Variants in TRIM14 observed in about 807,000 individuals in gnomAD.
TRIM14 encodes tripartite motif-containing protein 14.
A neutral mutation model predicts 44.5 loss-of-function variants in TRIM14; 28 were observed. The ratio of observed to expected loss-of-function variants is 0.63; its 90% confidence interval spans 0.47 to 0.86. TRIM14 has a LOEUF of 0.86. TRIM14 is among the 40% of genes least tolerant of loss of function. The pLI is 0.00. For missense variants in TRIM14, 607 were observed against 611.1 expected (o/e 0.99, Z 0.07); for synonymous variants, 299 against 269.2 (o/e 1.11, Z -1.08).
chr9:98,109,979 G>A lies in TRIM14; in HGVS notation c.213C>T (p.Leu71=), dbSNP rs777003054. Residue 71 remains leucine (L), a synonymous_variant, in exon 2 of 6, where the codon CTC becomes CTT. Coordinates refer to ENST00000341469, the MANE Select transcript of TRIM14 (RefSeq NM_014788.4). ...CCAGCTGCTTTAAACATTCTTGGCT[G>A]AGTTTCTGTACAGGAGGGAGTTAGG... ...ALEAAVHVQK[L]SQECLKQLAI... The A allele has an allele frequency of 1.2e-6, 2 of 1,613,826 alleles. No individual in the cohort carries two copies. Among genetic ancestry groups the A allele is most frequent in the Non-Finnish European group, 8.5e-7 (1 of 1,179,836 alleles).
Position 98,110,431 on chromosome 9 carries a change from C to T in TRIM14, c.208-447G>A, listed in dbSNP as rs148612001. 8.8e-3 allele frequency among the ~76,000 whole-genome samples: 1,347 copies of T among 152,266 alleles called. 18 individuals carry two copies. Among genetic ancestry groups the T allele is most frequent in the African/African-American group, 0.031 (1,280 of 41,540 alleles). ...TCTGTGACCCTCTGGCCCTGGACTA[C>T]GTGAGAGGTCAGTGGGGTTCATGCT... On this transcript the variant is annotated intron_variant, in intron 1 of 5. Coordinates refer to ENST00000341469, the MANE Select transcript of TRIM14 (RefSeq NM_014788.4).
At chr9:98,089,934 C>T (rs899740377) in intron 5 of TRIM14, among the ~76,000 whole-genome samples, 7 of 152,146 alleles carry the variant, frequency 4.6e-5, no homozygotes, top group Non-Finnish European at 8.8e-5. Flanking sequence ...TACCAGACCT[C>T]GCTCTTGTTA....
At chr9:98,088,850 T>C (rs1825895298) in intron 5 of TRIM14, among the ~76,000 whole-genome samples, 1 of 152,238 alleles carries the variant, frequency 6.6e-6, no homozygotes, top group Admixed American at 6.5e-5. Flanking sequence ...CCAAAGTTTG[T>C]AGTGATTTAA....
At chr9:98,103,954 C>A (rs1826503455) in intron 2 of TRIM14, among the ~76,000 whole-genome samples, 2 of 152,106 alleles carry the variant, frequency 1.3e-5, no homozygotes, top group South Asian at 4.1e-4. Flanking sequence ...GGTGGGCAGG[C>A]TCCCGTGATA....
At chr9:98,077,001 A>G in intron 6 of TRIM14, 5 of 1,608,326 alleles carry the variant, frequency 3.1e-6, no homozygotes, top group Non-Finnish European at 4.2e-6. Flanking sequence ...CTTATCTGGA[A>G]AAGACAGCCA....
At position 98,088,100 on chromosome 9, in the gene TRIM14, T is replaced by C. The variant is rs1209839254; in HGVS notation, c.794-95A>G. 6.1e-6 allele frequency: 8 copies of C among 1,313,570 alleles called. No homozygotes were observed. The East Asian group carries it at 1.9e-4, about 31-fold the overall frequency. The allele number at this position is 1,313,570 out of a possible 1,614,324, so 81.4% of individuals were successfully genotyped here. ...ACCAACGCACGTGCAAATCACAAAA[T>C]GCGAAGCGCGGAAATGGCCCAAGGA... On this transcript the variant is annotated intron_variant, in intron 5 of 5. Coordinates refer to ENST00000341469, the MANE Select transcript of TRIM14 (RefSeq NM_014788.4).
intron 6 of TRIM14, chr9:98,076,987 T>C: frequency 6.2e-7 from 1 of 1,610,958 alleles, no homozygotes; most frequent in Non-Finnish European, 8.5e-7. Context: ...CACTAATAAT[T>C]TTCCTTATCT....
At chr9:98,110,093 C>A (rs1826788445) in intron 1 of TRIM14, 109 bp from the exon 2 acceptor site, 1 of 822,648 alleles carries the variant, frequency 1.2e-6, no homozygotes, top group African/African-American at 1.7e-5. Context: ...CCAATGGAGG[C>A]ATCTGAAGGT....
At chr9:98,107,517 G>T (rs952953651) in intron 2 of TRIM14, among the ~76,000 whole-genome samples, 3 of 152,194 alleles carry the variant, frequency 2.0e-5, no homozygotes, top group Non-Finnish European at 4.4e-5. Context: ...GATCCCAAGG[G>T]CATTCTGCTG....
chr9:98,080,670 G>A (rs1200215103), downstream of TRIM14: 2 of 791,348 alleles, frequency 2.5e-6, no homozygotes, highest in East Asian at 2.7e-5. Flanking sequence ...CCCTAGGAAA[G>A]AGAGGCTCAG....
intron 5 of TRIM14, among the ~76,000 whole-genome samples, chr9:98,089,942 T>C (rs150006079): frequency 1.1e-3 from 163 of 152,360 alleles, no homozygotes; most frequent in African/African-American, 3.7e-3. Context: ...CTCGCTCTTG[T>C]TAATTGAACT....
At chr9:98,041,929 C>T in the TRIM14 span, among the ~76,000 whole-genome samples, 1 of 151,598 alleles carries the variant, frequency 6.6e-6, no homozygotes, top group Non-Finnish European at 1.5e-5. Flanking sequence ...GTGATCTGCC[C>T]GCCTTGGCCT....
chr9:98,093,371 G>C (rs1826068916), intron 4 of TRIM14, among the ~76,000 whole-genome samples: 1 of 152,160 alleles, frequency 6.6e-6, no homozygotes, highest in African/African-American at 2.4e-5. Flanking sequence ...TGCTTAATAT[G>C]CCTGAGCGCT....
rs12684754 is a variant in TRIM14, at chr9:98,096,447, C to T, written c.538-1418G>A. ...AGATGAGTAGGGTAGGATGAGGGGT[C>T]GATAGAGGACACATGGCACCACCTG... On this transcript the variant is annotated intron_variant, in intron 3 of 5. Coordinates refer to ENST00000341469, the MANE Select transcript of TRIM14 (RefSeq NM_014788.4). 2.0e-5 allele frequency among the ~76,000 whole-genome samples: 3 copies of T among 152,112 alleles called. No homozygotes were observed. In the East Asian group the frequency reaches 5.8e-4, roughly 29 times the overall value.
At chr9:98,070,846 C>T (rs1006337990) in intron 6 of TRIM14, among the ~76,000 whole-genome samples, 2 of 151,340 alleles carry the variant, frequency 1.3e-5, no homozygotes, top group Non-Finnish European at 2.9e-5. Flanking sequence ...ACTCTGTTGC[C>T]CAGGCTGGAG....
chr9:98,092,007 A>G lies in TRIM14; in HGVS notation c.701-6T>C. ...TGAGAGCTGGCAGTTTATGCCTGTA[A>G]GGAATTGTTGAGAAATGAGCGCCCG... On this transcript the variant is annotated splice_polypyrimidine_tract_variant and splice_region_variant and intron_variant, in intron 4 of 5. Coordinates refer to ENST00000341469, the MANE Select transcript of TRIM14 (RefSeq NM_014788.4). 6.2e-7 allele frequency: 1 copy of G among 1,602,626 alleles called. No homozygotes were observed. Among genetic ancestry groups the G allele is most frequent in the Non-Finnish European group, 8.5e-7 (1 of 1,172,958 alleles).
the TRIM14 span, chr9:98,060,681 A>C: frequency 3.1e-5 from 35 of 1,117,250 alleles, no homozygotes; most frequent in South Asian, 4.8e-4. Context: ...TAAATAAATA[A>C]ATAAATAAAG....
At chr9:98,099,718 G>GTTAATA (rs765172057) in intron 3 of TRIM14, among the ~76,000 whole-genome samples, 78 of 152,318 alleles carry the variant, frequency 5.1e-4, no homozygotes, top group Non-Finnish European at 1.0e-3. Context: ...ATTGGTGGCT[G>GTTAATA]TTAATATTAT....
the TRIM14 span, among the ~76,000 whole-genome samples, chr9:98,042,494 TAAATGCAAACAA>T: frequency 6.6e-6 from 1 of 152,156 alleles, no homozygotes; most frequent in Non-Finnish European, 1.5e-5. Flanking sequence ...ACTTGATCAA[TAAATGCAAACAA>T]AAATGCTAAC....
Sources: allele counts gnomAD v4.1 joint callset (sites outside exome capture counted in the v4.1 genomes callset), GRCh38; gene constraint gnomAD v4.1.1; transcripts MANE v1.5; gene names NCBI Gene and HGNC (gene_info 2026-07-23, HGNC 2026-07-21).